DAB1: variants seen among roughly 807,000 people sequenced by gnomAD.
DAB1 encodes DAB adaptor protein 1, also known as disabled homolog 1.
DAB1 carries 15 observed loss-of-function variants against 64.6 expected under a neutral mutation model. The ratio of observed to expected loss-of-function variants is 0.23; its 90% confidence interval spans 0.16 to 0.36. The LOEUF is 0.36. Ranked by LOEUF, DAB1 falls within the 10% of genes least tolerant of loss-of-function variation. The pLI is 1.00. For missense variants in DAB1, 596 were observed against 706.7 expected, an observed-to-expected ratio of 0.84 and a Z score of 1.78; for synonymous variants, 235 against 251.9, an observed-to-expected ratio of 0.93 and a Z score of 0.64.
intron 4 of DAB1, among the ~76,000 whole-genome samples, chr1:58,300,600 GAAAGAA>G (rs1557726034): frequency 5.2e-4 from 20 of 38,720 alleles, no homozygotes; most frequent in Non-Finnish European, 6.9e-4. Context: ...AAGAAAGAAA[GAAAGAA>G]AGAAAGAGAG....
chr1:58,503,140 A>G (rs1012576101), intron 3 of DAB1, among the ~76,000 whole-genome samples: 10 of 152,232 alleles, frequency 6.6e-5, no homozygotes, highest in Non-Finnish European at 8.8e-5. Flanking sequence ...AACAGAATTT[A>G]TTATCCAATT....
intron 1 of DAB1, among the ~76,000 whole-genome samples, chr1:57,837,748 T>A (rs2101911400): frequency 6.6e-6 from 1 of 152,060 alleles, no homozygotes; most frequent in African/African-American, 2.4e-5. Context: ...TGAGCAGTCT[T>A]ATCTGTTATC....
intron 5 of DAB1, among the ~76,000 whole-genome samples, chr1:57,925,528 T>G (rs1644866877): frequency 6.6e-6 from 1 of 152,214 alleles, no homozygotes; most frequent in African/African-American, 2.4e-5. Flanking sequence ...CTCTAGATAC[T>G]GGGGCCACTG....
intron 5 of DAB1, among the ~76,000 whole-genome samples, chr1:57,928,061 G>C (rs1358040754): frequency 6.6e-6 from 1 of 152,008 alleles, no homozygotes; most frequent in Non-Finnish European, 1.5e-5. Flanking sequence ...TTTGTTTCCA[G>C]TTTTCTTTTC....
Position 57,302,891 on chromosome 1 carries a change from A to T in DAB1, c.-136-11725T>A, listed in dbSNP as rs551897013. 1.1e-4 allele frequency among the ~76,000 whole-genome samples: 17 copies of T among 152,314 alleles called. 1 individual carries two copies. The South Asian group carries it at 1.2e-3, about 11-fold the overall frequency. ...TCCCACTACTTGGGTAGGGTTGGGC[A>T]CGCTATTTAACTCCCCCAAGCCTGA... On this transcript the variant is annotated intron_variant, in intron 1 of 14. Transcript: ENST00000371236.
At chr1:57,419,248 T>C (rs1684719192) in intron 1 of DAB1, among the ~76,000 whole-genome samples, 1 of 152,070 alleles carries the variant, frequency 6.6e-6, no homozygotes. Context: ...GGACAAGGAG[T>C]CCAAGAATCC....
intron 5 of DAB1, among the ~76,000 whole-genome samples, chr1:57,993,411 C>T (rs972231718): frequency 2.0e-5 from 3 of 152,172 alleles, no homozygotes; most frequent in Admixed American, 2.0e-4. Context: ...TCTGCTGCCA[C>T]CCCATCCTCG....
intron 5 of DAB1, among the ~76,000 whole-genome samples, chr1:58,017,152 T>C (rs1646752061): frequency 6.6e-6 from 1 of 152,048 alleles, no homozygotes; most frequent in Non-Finnish European, 1.5e-5. Flanking sequence ...TTGCATGGGG[T>C]TGGCTTTCTG....
At chr1:57,958,679 G>T (rs1429061997) in intron 5 of DAB1, among the ~76,000 whole-genome samples, 1 of 152,138 alleles carries the variant, frequency 6.6e-6, no homozygotes, top group Non-Finnish European at 1.5e-5. Context: ...CAGTTCTGGG[G>T]GTAGAAGTCC....
chr1:57,539,860 A>C (rs896298733), intron 7 of DAB1, among the ~76,000 whole-genome samples: 2 of 152,216 alleles, frequency 1.3e-5, no homozygotes, highest in African/African-American at 4.8e-5. Flanking sequence ...GGTAGTCCAG[A>C]GCTTATAGTG....
chr1:58,017,506 TC>T (rs1204878197), intron 5 of DAB1, among the ~76,000 whole-genome samples: 3 of 152,186 alleles, frequency 2.0e-5, no homozygotes, highest in Non-Finnish European at 2.9e-5. Context: ...CTCTGCCCTG[TC>T]ATCTTCCTCT....
intron 7 of DAB1, among the ~76,000 whole-genome samples, chr1:57,544,735 T>C (rs755943335): frequency 1.3e-5 from 2 of 152,196 alleles, no homozygotes; most frequent in African/African-American, 2.4e-5. Flanking sequence ...GCTATTCTCA[T>C]TGATAGTGAG....
chr1:57,885,625 T>G (rs748521442), upstream of DAB1, among the ~76,000 whole-genome samples: 1 of 152,190 alleles, frequency 6.6e-6, no homozygotes, highest in Non-Finnish European at 1.5e-5. Flanking sequence ...ACAAAATATG[T>G]TCTTACTTTT....
chr1:58,495,701 TAA>T (rs5774412), intron 3 of DAB1, among the ~76,000 whole-genome samples: 6 of 145,048 alleles, frequency 4.1e-5, no homozygotes, highest in African/African-American at 7.5e-5. Context: ...TCTTCCACCA[TAA>T]AAAAAAAAAA....
At chr1:57,590,735 AACACACACACACACACACACACAC>A (rs58957864) in intron 7 of DAB1, among the ~76,000 whole-genome samples, 11 of 132,432 alleles carry the variant, frequency 8.3e-5, no homozygotes, top group Non-Finnish European at 1.1e-4. Flanking sequence ...TGTAGTCCGT[AACACACACACACACACACACACAC>A]ACACACACAC....
Position 58,246,808 on chromosome 1 carries a change from G to A in DAB1, n.310-96220C>T, listed in dbSNP as rs181917093. ...TGAGTGGTGTGAATGTAATGCGTAC[G>A]CATGTATGTCAGGGTGTGTGTGACT... is the stretch of plus-strand genomic sequence containing the variant. On this transcript the variant is annotated intron_variant and non_coding_transcript_variant, in intron 4 of 20. Coordinates refer to the DAB1 transcript ENST00000485760. Among the ~76,000 whole-genome samples the A allele has an allele frequency of 5.9e-5, 9 of 152,094 alleles. No homozygotes were observed. In the East Asian group the frequency reaches 7.7e-4, roughly 13 times the overall value.
intron 6 of DAB1, among the ~76,000 whole-genome samples, chr1:57,807,932 C>G (rs187597363): frequency 8.9e-4 from 135 of 152,180 alleles, no homozygotes; most frequent in Admixed American, 1.5e-3. Context: ...TTTTCTCTAG[C>G]TTTATCGTAA....
upstream of DAB1, among the ~76,000 whole-genome samples, chr1:57,427,662 A>G (rs1183716478): frequency 2.0e-5 from 3 of 152,224 alleles, no homozygotes; most frequent in African/African-American, 7.2e-5. Context: ...ATAAAATTTT[A>G]TGCTGTAAAC....
At chr1:58,038,884 G>A (rs931572355) in intron 5 of DAB1, among the ~76,000 whole-genome samples, 3 of 152,086 alleles carry the variant, frequency 2.0e-5, no homozygotes, top group Admixed American at 6.5e-5. Context: ...ATACTTCAAC[G>A]CTTAATTTCA....
Sources: allele counts gnomAD v4.1 joint callset (sites outside exome capture counted in the v4.1 genomes callset), GRCh38; gene constraint gnomAD v4.1.1; transcripts MANE v1.5; gene names NCBI Gene and HGNC (gene_info 2026-07-23, HGNC 2026-07-21).